ZFHX3: variants seen among roughly 807,000 people sequenced by gnomAD.
ZFHX3 encodes the protein zinc finger homeobox 3.
ZFHX3 carries 42 observed loss-of-function variants against 279.1 expected under a neutral mutation model. That is an observed-to-expected ratio of 0.15 (90% CI 0.12 to 0.19). ZFHX3 has a LOEUF of 0.19. ZFHX3 is among the 10% of genes least tolerant of loss of function. The probability of loss-of-function intolerance (pLI) is 1.00; values close to 1 mark genes in which losing one functional copy is unlikely to be tolerated. For synonymous variants in ZFHX3, 2,293 were observed against 1,957.8 expected, an observed-to-expected ratio of 1.17 and a Z score of -4.52; for missense variants, 4,981 against 4,754.0, an observed-to-expected ratio of 1.05 and a Z score of -1.40.
At chr16:73,212,061 TA>T in intron 5 of ZFHX3, among the ~76,000 whole-genome samples, 1 of 152,220 alleles carries the variant, frequency 6.6e-6, no homozygotes, top group Non-Finnish European at 1.5e-5. Context: ...AATTCTTCTG[TA>T]GGAAATCAGC....
At chr16:73,784,844 C>T (rs1019247230) in intron 1 of ZFHX3, among the ~76,000 whole-genome samples, 2 of 141,732 alleles carry the variant, frequency 1.4e-5, no homozygotes, top group Non-Finnish European at 3.1e-5. Context: ...CACATATAGT[C>T]TGAAAAAGCC....
intron 2 of ZFHX3, among the ~76,000 whole-genome samples, chr16:73,619,317 T>C (rs1354714704): frequency 1.3e-5 from 2 of 151,136 alleles, no homozygotes; most frequent in African/African-American, 4.9e-5. Flanking sequence ...TGAAATCCCG[T>C]CTCTACTAAA....
intron 4 of ZFHX3, among the ~76,000 whole-genome samples, chr16:72,877,539 G>A (rs1328022714): frequency 6.6e-6 from 1 of 152,202 alleles, no homozygotes; most frequent in East Asian, 1.9e-4. Flanking sequence ...CACACCCTGA[G>A]CACAGTAAGT....
chr16:72,883,793 C>T (rs2038555864), intron 4 of ZFHX3, among the ~76,000 whole-genome samples: 2 of 152,174 alleles, frequency 1.3e-5, no homozygotes, highest in African/African-American at 4.8e-5. Flanking sequence ...TTCAGTCACC[C>T]CCATTTGTTT....
intron 1 of ZFHX3, among the ~76,000 whole-genome samples, chr16:73,714,372 C>T (rs1049092956): frequency 2.0e-5 from 3 of 152,160 alleles, no homozygotes; most frequent in Non-Finnish European, 4.4e-5. Flanking sequence ...GACACATCTC[C>T]ATTCCCAAGC....
At chr16:73,850,189 T>G (rs1276749776) in intron 1 of ZFHX3, among the ~76,000 whole-genome samples, 1 of 152,236 alleles carries the variant, frequency 6.6e-6, no homozygotes, top group Non-Finnish European at 1.5e-5. Flanking sequence ...CAACATACTT[T>G]AGACCGTGGG....
At chr16:73,169,518 T>C (rs1357727126) in intron 5 of ZFHX3, among the ~76,000 whole-genome samples, 1 of 152,168 alleles carries the variant, frequency 6.6e-6, no homozygotes, top group Non-Finnish European at 1.5e-5. Flanking sequence ...GGCGTGTGCC[T>C]GTAATCCCAG....
chr16:73,673,409 C>G (rs778460962), intron 2 of ZFHX3, among the ~76,000 whole-genome samples: 7 of 151,888 alleles, frequency 4.6e-5, no homozygotes, highest in Non-Finnish European at 1.0e-4. Flanking sequence ...CATAAAATCA[C>G]ACACAGAGAG....
intron 5 of ZFHX3, among the ~76,000 whole-genome samples, chr16:73,249,779 C>T (rs896654892): frequency 2.0e-5 from 3 of 150,916 alleles, no homozygotes; most frequent in African/African-American, 7.3e-5. Context: ...GAAAAAAAAC[C>T]CAGTTAACTC....
At chr16:73,154,251 A>T (rs953768153) in intron 5 of ZFHX3, among the ~76,000 whole-genome samples, 1 of 152,144 alleles carries the variant, frequency 6.6e-6, no homozygotes, top group Admixed American at 6.5e-5. Flanking sequence ...TTCTTCGGTC[A>T]ATGCACAGAT....
chr16:73,017,236 A>G (rs1323995762), intron 1 of ZFHX3, among the ~76,000 whole-genome samples: 3 of 130,072 alleles, frequency 2.3e-5, no homozygotes, highest in Non-Finnish European at 5.3e-5. Context: ...CCCATCTCGA[A>G]AAAAAAAAAA....
intron 2 of ZFHX3, among the ~76,000 whole-genome samples, chr16:73,612,833 G>A (rs2052260798): frequency 6.6e-6 from 1 of 151,870 alleles, no homozygotes; most frequent in Admixed American, 6.6e-5. Flanking sequence ...CTGTAAACGT[G>A]GCAAAATCAT....
At chr16:73,222,660 T>C (rs2012460567) in intron 5 of ZFHX3, among the ~76,000 whole-genome samples, 1 of 152,130 alleles carries the variant, frequency 6.6e-6, no homozygotes, top group Non-Finnish European at 1.5e-5. Flanking sequence ...GATTTATAGA[T>C]TCAGTGTAGT....
chr16:73,252,589 G>A (rs995919214), intron 5 of ZFHX3, among the ~76,000 whole-genome samples: 1 of 152,154 alleles, frequency 6.6e-6, no homozygotes, highest in Non-Finnish European at 1.5e-5. Context: ...GTTCAAGAAG[G>A]AAGTCAGAGC....
chr16:73,090,328 G>T (rs1314457978), intron 8 of ZFHX3, among the ~76,000 whole-genome samples: 1 of 152,216 alleles, frequency 6.6e-6, no homozygotes, highest in Non-Finnish European at 1.5e-5. Flanking sequence ...GGGAGGCGGA[G>T]GTTGCAGTGG....
At chr16:73,662,859 G>A (rs1265084943) in intron 2 of ZFHX3, among the ~76,000 whole-genome samples, 3 of 152,098 alleles carry the variant, frequency 2.0e-5, no homozygotes, top group Admixed American at 6.5e-5. Flanking sequence ...GGAAGTGGGC[G>A]GGGGAGAAGG....
intron 1 of ZFHX3, among the ~76,000 whole-genome samples, chr16:73,741,541 T>G (rs1316711958): frequency 6.6e-6 from 1 of 152,168 alleles, no homozygotes; most frequent in African/African-American, 2.4e-5. Context: ...TCTATTGTAC[T>G]TCAGCCAACT....
At chr16:73,226,944 T>C (rs920657762) in intron 5 of ZFHX3, among the ~76,000 whole-genome samples, 1 of 152,220 alleles carries the variant, frequency 6.6e-6, no homozygotes, top group Admixed American at 6.5e-5. Context: ...GTGAAGTAAT[T>C]CATCACGTGT....
In ZFHX3 at chr16:73,351,201, G is replaced by C. The variant is rs564958413; in HGVS notation, c.-1290-32865C>G. ...CAGATCTGAGTAATCCAATTTAGGA[G>C]AGATAAGAGCCTGCTGCTAGTACTG... On this transcript the variant is annotated intron_variant, in intron 3 of 17. Transcript: ENST00000641206. 7.9e-5 allele frequency among the ~76,000 whole-genome samples: 12 copies of C among 152,296 alleles called. No individual in the cohort carries two copies. The South Asian group carries it at 2.3e-3, about 29-fold the overall frequency.
Sources: gnomAD v4.1 joint callset for allele counts (sites outside exome capture counted in the v4.1 genomes callset) on GRCh38, gnomAD v4.1.1 for gene constraint, MANE v1.5 for transcripts, NCBI Gene and HGNC (gene_info 2026-07-23, HGNC 2026-07-21) for gene names.